The following GALK2 variants were observed in gnomAD, a reference collection of about 807,000 sequenced individuals.
GALK2 encodes N-acetylgalactosamine kinase.
A neutral mutation model predicts 52.4 loss-of-function variants in GALK2; 36 were observed. The ratio of observed to expected loss-of-function variants is 0.69; its 90% CI spans 0.53 to 0.91. The LOEUF is 0.91. Ranked by LOEUF, GALK2 falls within the 40% of genes least tolerant of loss-of-function variation. The pLI is 0.00. For missense variants in GALK2, 579 were observed against 559.1 expected, an observed-to-expected ratio of 1.04 and a Z score of -0.36; for synonymous variants, 176 against 199.1, an observed-to-expected ratio of 0.88 and a Z score of 0.98.
At chr15:49,311,286 C>T (rs1045784144) in intron 8 of GALK2, among the ~76,000 whole-genome samples, 1 of 152,076 alleles carries the variant, frequency 6.6e-6, no homozygotes, top group African/African-American at 2.4e-5. Context: ...GTTTTATTTA[C>T]TTCTCAAAAG....
At chr15:49,258,946 T>G (rs2091952659) in intron 5 of GALK2, among the ~76,000 whole-genome samples, 1 of 151,770 alleles carries the variant, frequency 6.6e-6, no homozygotes, top group Non-Finnish European at 1.5e-5. Flanking sequence ...ATAAATGTCT[T>G]CTTTTGAGAA....
chr15:49,165,674 ATATAT>A (rs1337206810), upstream of GALK2, among the ~76,000 whole-genome samples: 2 of 152,120 alleles, frequency 1.3e-5, no homozygotes, highest in Non-Finnish European at 2.9e-5. Flanking sequence ...ATTAGATAAA[ATATAT>A]TATTAAATTT....
intron 9 of GALK2, among the ~76,000 whole-genome samples, chr15:49,326,545 C>T (rs1025924236): frequency 6.6e-6 from 1 of 152,064 alleles, no homozygotes; most frequent in African/African-American, 2.4e-5. Context: ...CCACTGCACC[C>T]GGCATGACAA....
intron 1 of GALK2, among the ~76,000 whole-genome samples, chr15:49,200,892 T>C (rs902901100): frequency 2.0e-5 from 3 of 152,204 alleles, no homozygotes; most frequent in Non-Finnish European, 4.4e-5. Flanking sequence ...TTCTGTTGGG[T>C]ATATCAATCT....
intron 8 of GALK2, among the ~76,000 whole-genome samples, chr15:49,302,707 T>C (rs1023933751): frequency 1.3e-5 from 2 of 152,204 alleles, no homozygotes; most frequent in Non-Finnish European, 2.9e-5. Flanking sequence ...ATTGTTCTTC[T>C]TGTAAATGTT....
intron 9 of GALK2, chr15:49,327,665 G>C: frequency 4.3e-6 from 1 of 234,206 alleles, no homozygotes; most frequent in Non-Finnish European, 8.2e-6. Flanking sequence ...CTACTTTATG[G>C]AATCAATATT....
At chr15:49,266,766 G>A (rs1216657276) in intron 5 of GALK2, among the ~76,000 whole-genome samples, 1 of 152,170 alleles carries the variant, frequency 6.6e-6, no homozygotes. Context: ...GAGATTGGGT[G>A]TGTGTGTGAA....
chr15:49,215,399 A>G (rs1438765941), intron 2 of GALK2, among the ~76,000 whole-genome samples: 1 of 152,154 alleles, frequency 6.6e-6, no homozygotes, highest in African/African-American at 2.4e-5. Flanking sequence ...TAGATCTTGT[A>G]GAGAGGCTTC....
At chr15:49,192,485 GTATATATATATATATATATATATATATA>G (rs58230206) in intron 1 of GALK2, among the ~76,000 whole-genome samples, 2 of 102,972 alleles carry the variant, frequency 1.9e-5, no homozygotes, top group African/African-American at 4.0e-5. Context: ...ATATATATAT[GTATATATATATATATATATATATATATA>G]TATATATATA....
intron 1 of GALK2, among the ~76,000 whole-genome samples, chr15:49,161,355 C>G (rs1014238911): frequency 2.0e-5 from 3 of 152,158 alleles, no homozygotes; most frequent in African/African-American, 7.2e-5. Flanking sequence ...CTAATAAGTG[C>G]TAGTTGGATA....
At chr15:49,210,971 A>T (rs372537024) in intron 2 of GALK2, among the ~76,000 whole-genome samples, 7 of 93,794 alleles carry the variant, frequency 7.5e-5, no homozygotes, top group Non-Finnish European at 1.7e-4. Flanking sequence ...ACACACACAC[A>T]CTCACACACA....
intron 1 of GALK2, among the ~76,000 whole-genome samples, chr15:49,164,124 T>C (rs2084740418): frequency 1.3e-5 from 2 of 152,180 alleles, no homozygotes; most frequent in Admixed American, 1.3e-4. Flanking sequence ...CAACTACTTA[T>C]ACTAAGCCTT....
chr15:49,217,601 A>G (rs947323379), intron 3 of GALK2, among the ~76,000 whole-genome samples: 2 of 152,184 alleles, frequency 1.3e-5, no homozygotes, highest in African/African-American at 2.4e-5. Context: ...TCATCTATTG[A>G]TCTAATTATC....
At chr15:49,182,239 G>A (rs1054819993) in intron 1 of GALK2, among the ~76,000 whole-genome samples, 5 of 152,104 alleles carry the variant, frequency 3.3e-5, no homozygotes, top group African/African-American at 4.8e-5. Flanking sequence ...GAGTGAGAAC[G>A]TATGAAGTTT....
At chr15:49,365,622 A>T in intron 3 of GALK2, 1 of 1,107,258 alleles carries the variant, frequency 9.0e-7, no homozygotes, top group Non-Finnish European at 1.4e-6. Flanking sequence ...TTATGAAAAC[A>T]AAAAATACAT....
chr15:49,197,652 C>T (rs1417853931), intron 1 of GALK2, among the ~76,000 whole-genome samples: 1 of 151,956 alleles, frequency 6.6e-6, no homozygotes, highest in Non-Finnish European at 1.5e-5. Flanking sequence ...CCACTTATAA[C>T]GTCATGTCTG....
chr15:49,337,359 T>C (rs909497811), intron 3 of GALK2, among the ~76,000 whole-genome samples: 2 of 152,098 alleles, frequency 1.3e-5, no homozygotes, highest in Admixed American at 1.3e-4. Flanking sequence ...ATCTATTGTT[T>C]TTTGACTTTT....
chr15:49,285,461 GTCT>G (rs1196990917), intron 7 of GALK2, among the ~76,000 whole-genome samples: 1 of 152,248 alleles, frequency 6.6e-6, no homozygotes, highest in East Asian at 1.9e-4. Flanking sequence ...GGCCTTGGTC[GTCT>G]TCTTCTTTCT....
chr15:49,200,366 A>G (rs1178837421), intron 1 of GALK2, among the ~76,000 whole-genome samples: 1 of 152,222 alleles, frequency 6.6e-6, no homozygotes, highest in East Asian at 1.9e-4. Context: ...TCTGAGTTAG[A>G]CAGTATAACC....
Sources: gnomAD v4.1 joint callset for allele counts (sites outside exome capture counted in the v4.1 genomes callset) on GRCh38, gnomAD v4.1.1 for gene constraint, MANE v1.5 for transcripts, NCBI Gene and HGNC (gene_info 2026-07-23, HGNC 2026-07-21) for gene names.